PCDH15: variants seen among roughly 807,000 people sequenced by gnomAD.
The protein encoded by PCDH15 is protocadherin-15.
A neutral mutation model predicts 178.5 loss-of-function variants in PCDH15; 129 were observed. The observed-to-expected ratio is 0.72, with a 90% CI of 0.63 to 0.84. The LOEUF is 0.84. PCDH15 is among the 40% of genes least tolerant of loss of function. The probability of loss-of-function intolerance (pLI) is 0.00; values close to 1 mark genes in which losing one functional copy is unlikely to be tolerated. For missense variants in PCDH15, 2,230 were observed against 2,099.9 expected (o/e 1.06, Z -1.21); for synonymous variants, 800 against 732.0 (o/e 1.09, Z -1.50).
chr10:54,634,757 G>A (rs966977869), intron 2 of PCDH15, among the ~76,000 whole-genome samples: 1 of 151,918 alleles, frequency 6.6e-6, no homozygotes, highest in Non-Finnish European at 1.5e-5. Flanking sequence ...ATTAAAACAA[G>A]CATTTTAACC....
intron 6 of PCDH15, among the ~76,000 whole-genome samples, chr10:54,344,499 T>G (rs1190726151): frequency 1.3e-5 from 2 of 152,152 alleles, no homozygotes; most frequent in Non-Finnish European, 2.9e-5. Flanking sequence ...ATCTAAACAT[T>G]GAATATTTTT....
chr10:54,433,835 A>C (rs9416349), intron 3 of PCDH15, among the ~76,000 whole-genome samples: 4,966 of 152,226 alleles, frequency 0.033, 283 homozygotes, highest in African/African-American at 0.11. Context: ...TTATGTACCC[A>C]AAAATATTAA....
chr10:54,725,813 T>C (rs930784877), intron 1 of PCDH15, among the ~76,000 whole-genome samples: 3 of 151,362 alleles, frequency 2.0e-5, no homozygotes, highest in African/African-American at 7.3e-5. Context: ...GTAAATATTA[T>C]CACAAAAAGT....
chr10:55,199,802 T>C (rs543512097), intron 1 of PCDH15, among the ~76,000 whole-genome samples: 1 of 152,200 alleles, frequency 6.6e-6, no homozygotes, highest in African/African-American at 2.4e-5. Context: ...GGTCCCAAGG[T>C]ACAGCTCAGG....
At chr10:54,314,163 A>G (rs1216501671) in intron 8 of PCDH15, among the ~76,000 whole-genome samples, 1 of 145,030 alleles carries the variant, frequency 6.9e-6, no homozygotes, top group Non-Finnish European at 1.5e-5. Context: ...ACACACACAC[A>G]CGCAATACAG....
chr10:54,864,360 A>G (rs1953899301), intron 3 of PCDH15, among the ~76,000 whole-genome samples: 1 of 152,184 alleles, frequency 6.6e-6, no homozygotes, highest in South Asian at 2.1e-4. Context: ...TTCATAAATT[A>G]TATTCATAAA....
intron 21 of PCDH15, among the ~76,000 whole-genome samples, chr10:53,980,651 A>G (rs1589744003): frequency 6.6e-6 from 1 of 152,340 alleles, no homozygotes; most frequent in East Asian, 1.9e-4. Flanking sequence ...ATCAAGCCCA[A>G]ACAATAATCC....
At chr10:54,649,336 C>T (rs992049440) in intron 2 of PCDH15, among the ~76,000 whole-genome samples, 7 of 151,934 alleles carry the variant, frequency 4.6e-5, no homozygotes, top group African/African-American at 1.7e-4. Flanking sequence ...AACAAAAATA[C>T]TCAACATAAA....
chr10:54,128,179 A>T (rs560224436), intron 15 of PCDH15, among the ~76,000 whole-genome samples: 1 of 152,288 alleles, frequency 6.6e-6, no homozygotes, highest in East Asian at 1.9e-4. Context: ...ATCAAGCAAC[A>T]ATCCTGTGAT....
intron 9 of PCDH15, among the ~76,000 whole-genome samples, chr10:54,230,903 G>C (rs1447312351): frequency 1.3e-5 from 2 of 152,076 alleles, no homozygotes; most frequent in Admixed American, 1.3e-4. Context: ...ACAAGCTACT[G>C]TTACAAGCTA....
At chr10:55,273,864 G>A (rs1842514554) in intron 1 of PCDH15, among the ~76,000 whole-genome samples, 1 of 151,986 alleles carries the variant, frequency 6.6e-6, no homozygotes, top group African/African-American at 2.4e-5. Context: ...TTGAAACAAC[G>A]ATTTGGAAAG....
At chr10:54,063,260 C>T (rs1030227377) in intron 18 of PCDH15, among the ~76,000 whole-genome samples, 3 of 152,106 alleles carry the variant, frequency 2.0e-5, no homozygotes, top group Non-Finnish European at 2.9e-5. Flanking sequence ...TGACATGGTA[C>T]GTCTTATTCA....
At chr10:54,063,813 C>T (rs2094080781) in intron 18 of PCDH15, among the ~76,000 whole-genome samples, 1 of 152,192 alleles carries the variant, frequency 6.6e-6, no homozygotes, top group South Asian at 2.1e-4. Flanking sequence ...CGGGTAGCTC[C>T]AGCCGCCCTC....
chr10:53,934,658 A>G (rs2085402745), intron 25 of PCDH15, among the ~76,000 whole-genome samples: 1 of 151,752 alleles, frequency 6.6e-6, no homozygotes, highest in Non-Finnish European at 1.5e-5. Flanking sequence ...ACACATGAAG[A>G]AGCAAGTCAT....
At position 55,463,149 on chromosome 10, in the gene PCDH15, G is replaced by A. The variant is rs2132095087; in HGVS notation, c.-156+164476C>T. The stretch of plus-strand genomic sequence containing the variant: ...ACCAACAAACAAAAAGCTGAAACCT[G>A]GCAATGATCTGAAGTATGATTTAAT... On this transcript the variant is annotated intron_variant, in intron 2 of 5. Coordinates refer to the PCDH15 transcript ENST00000613346. Among the ~76,000 whole-genome samples the A allele has an allele frequency of 2.0e-5, 3 of 151,030 alleles. No homozygotes were observed. In the South Asian group the frequency reaches 6.3e-4, roughly 32 times the overall value.
At chr10:55,070,247 T>C (rs1294581838) in intron 2 of PCDH15, among the ~76,000 whole-genome samples, 1 of 152,192 alleles carries the variant, frequency 6.6e-6, no homozygotes, top group Non-Finnish European at 1.5e-5. Context: ...ACTCTGATGG[T>C]AGTTTCTTTT....
chr10:55,521,860 T>C (rs576361748), intron 2 of PCDH15, among the ~76,000 whole-genome samples: 27 of 152,026 alleles, frequency 1.8e-4, no homozygotes, highest in Non-Finnish European at 3.2e-4. Context: ...AACACTTACA[T>C]TAGCATGGAA....
At chr10:55,491,536 T>C (rs1466593303) in intron 2 of PCDH15, among the ~76,000 whole-genome samples, 4 of 151,600 alleles carry the variant, frequency 2.6e-5, no homozygotes, top group Admixed American at 6.6e-5. Context: ...AAAATGAGTC[T>C]GGCCTCTAGC....
At chr10:55,608,587 G>A (rs759530278) in intron 2 of PCDH15, among the ~76,000 whole-genome samples, 3 of 151,870 alleles carry the variant, frequency 2.0e-5, no homozygotes, top group Non-Finnish European at 4.4e-5. Context: ...CATGGGTTCT[G>A]TCTAGATCCT....
Sources: allele counts gnomAD v4.1 joint callset (sites outside exome capture counted in the v4.1 genomes callset), GRCh38; gene constraint gnomAD v4.1.1; transcripts MANE v1.5; gene names NCBI Gene and HGNC (gene_info 2026-07-23, HGNC 2026-07-21).